Variants in KPNA5 observed in about 807,000 individuals in gnomAD.
KPNA5 encodes the protein importin subunit alpha-6.
In KPNA5, 46 loss-of-function variants were observed where a neutral mutation model predicts 71.3. The ratio of observed to expected loss-of-function variants is 0.65; its 90% CI spans 0.51 to 0.83. The LOEUF is 0.83. Among genes scored for constraint, KPNA5 ranks in the 40% least tolerant of loss-of-function variants. The pLI is 0.00. For missense variants in KPNA5, 547 were observed against 628.3 expected, an observed-to-expected ratio of 0.87 and a Z score of 1.38; for synonymous variants, 207 against 201.4, an observed-to-expected ratio of 1.03 and a Z score of -0.24.
Position 116,733,285 on chromosome 6 carries a change from GTA to G in KPNA5, c.*963_*964del, listed in dbSNP as rs1389094589. The G allele has an allele frequency of 6.6e-6, 1 of 151,598 alleles. No homozygotes were observed. The highest frequency in any genetic ancestry group is 1.9e-4 in the East Asian group (1 of 5,178). 9.4% of individuals were successfully genotyped at this position (151,598 alleles called of 1,614,324 possible). ...AGTACTAGTTTAAGTTTAAGTACAA[GTA>G]CAAGTTTAGGTACTCGAATGACAAA... On this transcript the variant is annotated 3_prime_UTR_variant, in exon 14 of 14. Transcript: ENST00000368564.
rs149607523 is a variant in KPNA5, at chr6:116,691,101, C to T, written c.139-954C>T. ...AAAATTAGCCGAGCATGGTGGCGCA[C>T]GCCTATAATCCCAGCTACTCAGGAG... On this transcript the variant is annotated intron_variant, in intron 2 of 13. Transcript: ENST00000368564. 2.3e-3 allele frequency among the ~76,000 whole-genome samples: 355 copies of T among 152,212 alleles called. 2 individuals are homozygous for T. The highest frequency in any genetic ancestry group is 8.3e-3 in the African/African-American group (345 of 41,536).
chr6:116,692,346 T>C lies in KPNA5; in HGVS notation c.294T>C (p.Asp98=). 1 of 1,606,882 alleles carries C rather than the reference T, an allele frequency of 6.2e-7. No homozygotes were observed. The highest frequency in any genetic ancestry group is 8.5e-7 in the Non-Finnish European group (1 of 1,177,958). The stretch of plus-strand genomic sequence containing the variant: ...AGATGATTTTTTCTAATAATGCTGA[T>C]CAACAGCTAACAGCAACACAGAAAT... ...MVQMIFSNNA[D]QQLTATQKFR... Residue 98 remains aspartate (D), a synonymous_variant, in exon 4 of 14, where the codon GAT becomes GAC. Transcript: ENST00000368564.
chr6:116,683,588 A>T (rs1418657189), intron 1 of KPNA5, among the ~76,000 whole-genome samples: 3 of 150,540 alleles, frequency 2.0e-5, no homozygotes, highest in African/African-American at 4.9e-5. Flanking sequence ...TTTATTTATT[A>T]TTTTTTTTTG....
At chr6:116,703,258 G>T (rs1165895676) in intron 6 of KPNA5, among the ~76,000 whole-genome samples, 2 of 150,912 alleles carry the variant, frequency 1.3e-5, no homozygotes, top group East Asian at 3.9e-4. Context: ...CCTGTCAAAA[G>T]ATAAATTTTT....
rs115912206 is a variant in KPNA5, at chr6:116,697,764, G to T, written c.341-940G>T. Among the ~76,000 whole-genome samples the T allele has an allele frequency of 5.5e-3, 843 of 152,086 alleles. 6 individuals are homozygous for T. The highest frequency in any genetic ancestry group is 0.02 in the African/African-American group (815 of 41,542). The stretch of plus-strand genomic sequence containing the variant: ...ATACAATTTAGGTGGTGGATGCAGG[G>T]CAAGGGAAGGAATAACCATGATGAT... On this transcript the variant is annotated intron_variant, in intron 4 of 13. Coordinates refer to ENST00000368564, the MANE Select transcript of KPNA5 (RefSeq NM_001366306.2).
chr6:116,694,417 C>T (rs954371313), intron 4 of KPNA5, among the ~76,000 whole-genome samples: 3 of 152,006 alleles, frequency 2.0e-5, no homozygotes, highest in African/African-American at 7.3e-5. Context: ...TTTCATTGAG[C>T]AGTGGTTTGT....
intron 2 of KPNA5, among the ~76,000 whole-genome samples, 192 bp downstream of exon 2, chr6:116,689,645 T>A (rs1480116816): frequency 6.6e-6 from 1 of 152,192 alleles, no homozygotes; most frequent in Non-Finnish European, 1.5e-5. Context: ...AGAAATGGAT[T>A]TTCTGTTTTA....
intron 2 of KPNA5, among the ~76,000 whole-genome samples, chr6:116,691,483 C>G (rs1341190775): frequency 6.6e-6 from 1 of 152,100 alleles, no homozygotes; most frequent in Non-Finnish European, 1.5e-5. Context: ...ATGTGGAACT[C>G]ACAGATATGG....
intron 7 of KPNA5, among the ~76,000 whole-genome samples, chr6:116,715,359 G>T (rs1332943881): frequency 6.6e-6 from 1 of 151,668 alleles, no homozygotes; most frequent in East Asian, 1.9e-4. Context: ...CTATTTTAGG[G>T]GCTCTCCTAT....
intron 1 of KPNA5, among the ~76,000 whole-genome samples, chr6:116,688,934 G>A (rs930655971): frequency 2.8e-4 from 42 of 149,244 alleles, no homozygotes; most frequent in African/African-American, 1.0e-3. Flanking sequence ...GATCTAGCCA[G>A]AAACTGTAAT....
chr6:116,693,394 C>G (rs918789681), intron 4 of KPNA5, among the ~76,000 whole-genome samples: 6 of 152,168 alleles, frequency 3.9e-5, no homozygotes, highest in East Asian at 3.9e-4. Flanking sequence ...CTCTCCAGCA[C>G]CTGTTGTTTC....
chr6:116,714,234 CT>C, intron 7 of KPNA5, among the ~76,000 whole-genome samples: 1 of 152,252 alleles, frequency 6.6e-6, no homozygotes, highest in South Asian at 2.1e-4. Context: ...TATTTGGGGA[CT>C]TTTAAAATTA....
Position 116,724,387 on chromosome 6 carries a change from C to G in KPNA5, c.999+12C>G, listed in dbSNP as rs1779220670. ...ATATTCAAACACAGGTGAGTTCAAA[C>G]TTGAGTATCATAAATTGTTAACATA... On this transcript the variant is annotated intron_variant, in intron 10 of 13. Transcript: ENST00000368564. 1.9e-6 allele frequency: 3 copies of G among 1,579,730 alleles called. No homozygotes were observed. The South Asian group carries it at 3.3e-5, about 18-fold the overall frequency.
intron 4 of KPNA5, among the ~76,000 whole-genome samples, chr6:116,693,006 A>G (rs1381852591): frequency 1.3e-5 from 2 of 152,100 alleles, no homozygotes; most frequent in African/African-American, 2.4e-5. Context: ...TGTCCTTGCA[A>G]TAATTTTCTG....
rs1049270401 is a variant in KPNA5, at chr6:116,740,861, G to A, written c.*8538G>A. The stretch of plus-strand genomic sequence containing the variant: ...GACTGTTGTGGGGTTGGGGGAGGGG[G>A]GAGGGATAGCTTTAGGAGATATACC... On this transcript the variant is annotated 3_prime_UTR_variant, in exon 14 of 14. Coordinates refer to ENST00000368564, the MANE Select transcript of KPNA5 (RefSeq NM_001366306.2). 7.4e-6 allele frequency: 1 copy of A among 134,930 alleles called. No homozygotes were observed. The highest frequency in any genetic ancestry group is 1.6e-5 in the Non-Finnish European group (1 of 62,952). 8.4% of individuals were successfully genotyped at this position (134,930 alleles called of 1,614,324 possible).
In KPNA5 at chr6:116,729,671, T is replaced by C; in HGVS notation, c.1362T>C (p.Leu454=). 6.2e-7 allele frequency: 1 copy of C among 1,611,122 alleles called. No homozygotes were observed. The highest frequency in any genetic ancestry group is 2.2e-5 in the East Asian group (1 of 44,648). The change falls in exon 13 of 14, where the codon CTT becomes CTC. Residue 454 remains leucine (L), a synonymous_variant. Transcript: ENST00000368564. The stretch of plus-strand genomic sequence containing the variant: ...ATGGACTTGAAAATATTTTACGTCT[T>C]GGAGAACAAGAATCTAAGCAGAATG... The part of the protein sequence containing the change: ...ALNGLENILR[L]GEQESKQNGI...
At chr6:116,681,847 G>C (rs1003643895) in intron 1 of KPNA5, among the ~76,000 whole-genome samples, 2 of 152,142 alleles carry the variant, frequency 1.3e-5, no homozygotes, top group African/African-American at 4.8e-5. Flanking sequence ...GACAAGGCAA[G>C]CCTGGGTTCC....
chr6:116,722,071 G>T, intron 8 of KPNA5, 55 bp from the exon 9 acceptor site: 6 of 1,317,144 alleles, frequency 4.6e-6, no homozygotes, highest in Middle Eastern at 1.9e-4. Context: ...TTTTTCTAAG[G>T]AAACTTGGTT....
In KPNA5 at chr6:116,732,121, T is replaced by TATATATAC. The variant is rs1554258587; in HGVS notation, c.1433-14_1433-13insTATATACA. On this transcript the variant is annotated splice_polypyrimidine_tract_variant and intron_variant, in intron 13 of 13. Coordinates refer to ENST00000368564, the MANE Select transcript of KPNA5 (RefSeq NM_001366306.2). The stretch of plus-strand genomic sequence containing the variant: ...ATATATATATATATATATATATATA[T>TATATATAC]ACTTTGTATAACAGGTCTGGATAAA... 5 of 550,836 alleles carry TATATATAC rather than the reference T, an allele frequency of 9.1e-6. 1 individual carries two copies. Among genetic ancestry groups the TATATATAC allele is most frequent in the African/African-American group, 5.1e-5 (2 of 39,368 alleles). 34.1% of individuals were successfully genotyped at this position (550,836 alleles called of 1,614,324 possible). A position where few individuals can be genotyped will look rare whatever the true frequency, so the allele number is the denominator to read the frequency against.
Sources: gnomAD v4.1 joint callset for allele counts (sites outside exome capture counted in the v4.1 genomes callset) on GRCh38, gnomAD v4.1.1 for gene constraint, MANE v1.5 for transcripts, NCBI Gene and HGNC (gene_info 2026-07-23, HGNC 2026-07-21) for gene names.